Variants in MYH13 observed in about 807,000 individuals in gnomAD.
MYH13 encodes myosin heavy chain 13.
A neutral mutation model predicts 232.1 loss-of-function variants in MYH13; 177 were observed. The ratio of observed to expected loss-of-function variants is 0.76; its 90% confidence interval spans 0.67 to 0.86. MYH13 has a LOEUF of 0.86. Among genes scored for constraint, MYH13 ranks in the 40% least tolerant of loss-of-function variants. The pLI, the probability that MYH13 is intolerant of heterozygous loss-of-function variation, is 0.00. For missense variants in MYH13, 2,246 were observed against 2,405.9 expected (o/e 0.93, Z 1.39); for synonymous variants, 884 against 923.5 (o/e 0.96, Z 0.78).
intron 11 of MYH13, among the ~76,000 whole-genome samples, chr17:10,353,967 G>GGAAT (rs2071730166): frequency 1.4e-5 from 2 of 146,966 alleles, no homozygotes; most frequent in African/African-American, 5.0e-5. Flanking sequence ...AAGGAAGGAA[G>GGAAT]GGAAAGACTC....
intron 12 of MYH13, among the ~76,000 whole-genome samples, chr17:10,348,265 A>G (rs565413378): frequency 2.0e-3 from 302 of 152,320 alleles, no homozygotes; most frequent in Non-Finnish European, 3.0e-3. Context: ...TTGTTCAGAC[A>G]GGCACCAAGT....
intron 22 of MYH13, among the ~76,000 whole-genome samples, chr17:10,326,997 T>G (rs1299626855): frequency 3.0e-5 from 1 of 33,046 alleles, no homozygotes; most frequent in East Asian, 1.0e-3. Context: ...TTTTTTTTTT[T>G]TTTTTTTTTT....
chr17:10,339,713 T>C (rs1370757027), intron 18 of MYH13, among the ~76,000 whole-genome samples: 1 of 152,234 alleles, frequency 6.6e-6, no homozygotes, highest in East Asian at 1.9e-4. Context: ...TGAATGTGAA[T>C]TTCAGATAAA....
chr17:10,330,121 C>T (rs1031671350), intron 21 of MYH13, among the ~76,000 whole-genome samples: 4 of 152,138 alleles, frequency 2.6e-5, no homozygotes, highest in Admixed American at 6.5e-5. Flanking sequence ...GACTATAACT[C>T]GAACATTGAG....
rs558521017 is a variant in MYH13 at position 10,303,535 on chromosome 17, C to T, written c.5467-37G>A. 7 of 1,569,180 alleles carry T rather than the reference C, an allele frequency of 4.5e-6. No homozygotes were observed. The East Asian group carries it at 1.1e-4, about 25-fold the overall frequency. Reference sequence around the variant, plus strand: ...GAAAGGAACACAGAATTCAAATCTCCTCTCCCAGGCTTCTCTCATGGACTC... The same window carrying T: ...GAAAGGAACACAGAATTCAAATCTCTTCTCCCAGGCTTCTCTCATGGACTC... On this transcript the variant is annotated intron_variant, in intron 37 of 40. Coordinates refer to ENST00000252172, the MANE Select transcript of MYH13 (RefSeq NM_003802.3).
intron 11 of MYH13, among the ~76,000 whole-genome samples, chr17:10,353,601 A>T (rs1355750594): frequency 6.6e-6 from 1 of 152,178 alleles, no homozygotes; most frequent in Non-Finnish European, 1.5e-5. Flanking sequence ...GCAGTGGCTC[A>T]TGCTTGTAAT....
intron 32 of MYH13, 142 bp downstream of exon 32, chr17:10,311,769 C>T: frequency 1.0e-6 from 1 of 985,706 alleles, no homozygotes; most frequent in East Asian, 2.5e-5. Context: ...TTGGGGCAAA[C>T]TGAGTCAATG....
intron 2 of MYH13, among the ~76,000 whole-genome samples, chr17:10,367,807 T>A (rs1253456563): frequency 1.3e-5 from 2 of 152,196 alleles, no homozygotes; most frequent in African/African-American, 4.8e-5. Flanking sequence ...TGCTGTATGT[T>A]TGGTGAAAGT....
intron 12 of MYH13, among the ~76,000 whole-genome samples, chr17:10,349,735 A>C (rs2071695257): frequency 6.6e-6 from 1 of 152,124 alleles, no homozygotes; most frequent in South Asian, 2.1e-4. Context: ...CCTAGGATAG[A>C]AGGTTGGTAA....
At position 10,324,074 on chromosome 17, in the gene MYH13, A is replaced by T. The variant is rs201602800; in HGVS notation, c.2882T>A (p.Leu961Gln). Residue 961 changes from leucine to glutamine, a missense_variant, in exon 23 of 41, where the codon CTG becomes CAG. Coordinates refer to ENST00000252172, the MANE Select transcript of MYH13 (RefSeq NM_003802.3). ...CSSLKRDIDD[L>Q]ELTLTKVEKE... ...TTCAACTTTCGTCAAGGTCAGCTCC[A>T]GGTCATCAATGTCTCTCTTGAGAGA... The T allele has an allele frequency of 6.2e-7, 1 of 1,614,026 alleles. No individual in the cohort carries two copies. The highest frequency in any genetic ancestry group is 1.7e-5 in the Admixed American group (1 of 60,020).
intron 16 of MYH13, among the ~76,000 whole-genome samples, chr17:10,343,343 A>G (rs9901113): frequency 0.78 from 118,154 of 151,870 alleles, 46,482 homozygotes; most frequent in East Asian, 0.88. Flanking sequence ...GACTACAGGT[A>G]TGTGCCACCA....
intron 22 of MYH13, among the ~76,000 whole-genome samples, chr17:10,327,202 C>T (rs1348841269): frequency 2.0e-5 from 3 of 149,780 alleles, no homozygotes; most frequent in Non-Finnish European, 3.0e-5. Context: ...GGGGTTTCAC[C>T]GTTTTAGCCG....
chr17:10,335,564 C>G (rs1366096605), intron 18 of MYH13, among the ~76,000 whole-genome samples: 1 of 152,088 alleles, frequency 6.6e-6, no homozygotes, highest in Non-Finnish European at 1.5e-5. Flanking sequence ...ACCACCCTGG[C>G]CAACATGGTG....
chr17:10,309,483 G>A (rs759430273), intron 34 of MYH13, 39 bp downstream of exon 34: 2 of 1,601,122 alleles, frequency 1.2e-6, no homozygotes, highest in South Asian at 1.1e-5. Flanking sequence ...TGGCAGGCTG[G>A]GGCCCGTCCA....
chr17:10,367,288 A>T (rs2071844911), intron 2 of MYH13, among the ~76,000 whole-genome samples: 1 of 152,244 alleles, frequency 6.6e-6, no homozygotes, highest in Admixed American at 6.5e-5. Context: ...TTGAGAAATT[A>T]AAAAATATTT....
chr17:10,341,027 T>C (rs1341159480), intron 16 of MYH13: 1 of 151,566 alleles, frequency 6.6e-6, no homozygotes, highest in East Asian at 1.9e-4. Context: ...CTTTTTTTTT[T>C]TCATTCTTTT....
At chr17:10,326,637 A>T (rs887502883) in intron 22 of MYH13, among the ~76,000 whole-genome samples, 2 of 146,086 alleles carry the variant, frequency 1.4e-5, no homozygotes, top group Admixed American at 1.4e-4. Flanking sequence ...CACCTGGCTA[A>T]TTTTTTTTTT....
intron 18 of MYH13, among the ~76,000 whole-genome samples, chr17:10,338,150 G>A (rs1332396775): frequency 6.6e-6 from 1 of 152,200 alleles, no homozygotes; most frequent in Non-Finnish European, 1.5e-5. Context: ...CATCTGCTTA[G>A]AGAGGAGTCA....
chr17:10,312,586 C>G lies in MYH13; in HGVS notation c.4353G>C (p.Arg1451Ser). The change falls in exon 31 of 41, where the codon AGG (arginine) becomes AGC (serine). Residue 1451 changes from arginine (R) to serine (S), a missense_variant. Arg to Ser is a moderately radical substitution (Grantham distance 110). Coordinates refer to ENST00000252172, the MANE Select transcript of MYH13 (RefSeq NM_003802.3). ...GCTGGGGAAGGACCTTGTCGAAGTT[C>G]CTCTGCTTCTTGTCCAGTGTGGCAC... ...TACATLDKKQRNFDKVLAEWK... is the reference protein window; with the variant it reads ...TACATLDKKQSNFDKVLAEWK... The G allele has an allele frequency of 6.2e-7, 1 of 1,612,496 alleles. No homozygotes were observed. Among genetic ancestry groups the G allele is most frequent in the Non-Finnish European group, 8.5e-7 (1 of 1,179,334 alleles).
Sources: allele counts gnomAD v4.1 joint callset (sites outside exome capture counted in the v4.1 genomes callset), GRCh38; gene constraint gnomAD v4.1.1; transcripts MANE v1.5; gene names NCBI Gene and HGNC (gene_info 2026-07-23, HGNC 2026-07-21).